Variants in PLS1 observed in about 807,000 individuals in gnomAD.
PLS1 encodes the protein plastin-1.
In PLS1, 32 loss-of-function variants were observed where a neutral mutation model predicts 73.7. The ratio of observed to expected loss-of-function variants is 0.43; its 90% CI spans 0.33 to 0.58. PLS1 has a LOEUF of 0.58. Ranked by LOEUF, PLS1 falls within the 20% of genes least tolerant of loss-of-function variation. The probability of loss-of-function intolerance (pLI) is 0.04; values close to 1 mark genes in which losing one functional copy is unlikely to be tolerated. For missense variants in PLS1, 633 were observed against 740.5 expected, an observed-to-expected ratio of 0.85 and a Z score of 1.68; for synonymous variants, 217 against 261.3, an observed-to-expected ratio of 0.83 and a Z score of 1.63.
At chr3:142,695,289 T>G (rs910541610) in intron 11 of PLS1, among the ~76,000 whole-genome samples, 7 of 152,210 alleles carry the variant, frequency 4.6e-5, no homozygotes, top group African/African-American at 1.4e-4. Flanking sequence ...TAAAGAAGAT[T>G]AATGTCACAA....
chr3:142,598,150 A>G (rs2035844663), intron 1 of PLS1, among the ~76,000 whole-genome samples: 1 of 152,078 alleles, frequency 6.6e-6, no homozygotes, highest in Non-Finnish European at 1.5e-5. Flanking sequence ...AGCACTTACT[A>G]CTGTTGTTTG....
chr3:142,622,037 A>G (rs13316756), intron 1 of PLS1, among the ~76,000 whole-genome samples: 38,474 of 152,138 alleles, frequency 0.25, 6,920 homozygotes, highest in African/African-American at 0.52. Context: ...ACACAGGTCC[A>G]GTGTTCCAGG....
intron 4 of PLS1, among the ~76,000 whole-genome samples, chr3:142,671,640 C>T (rs2037606492): frequency 6.6e-6 from 1 of 152,158 alleles, no homozygotes; most frequent in South Asian, 2.1e-4. Context: ...GATTAAACCA[C>T]TGGACCATTG....
intron 1 of PLS1, among the ~76,000 whole-genome samples, chr3:142,660,089 C>T (rs2037336046): frequency 6.6e-6 from 1 of 151,980 alleles, no homozygotes; most frequent in African/African-American, 2.4e-5. Flanking sequence ...AAAAGTTTAC[C>T]AAAGTTAGTC....
At chr3:142,604,389 C>A (rs1041698959) in intron 1 of PLS1, among the ~76,000 whole-genome samples, 8 of 152,162 alleles carry the variant, frequency 5.3e-5, no homozygotes, top group African/African-American at 1.9e-4. Context: ...GGCGGTCTCC[C>A]TTTTCCTTCC....
At chr3:142,650,854 G>T (rs1394415200) in intron 1 of PLS1, among the ~76,000 whole-genome samples, 1 of 152,170 alleles carries the variant, frequency 6.6e-6, no homozygotes, top group African/African-American at 2.4e-5. Flanking sequence ...GGCAGTAGGG[G>T]TAGGGGACAG....
chr3:142,708,917 A>T (rs1932977347), intron 14 of PLS1, among the ~76,000 whole-genome samples: 1 of 152,224 alleles, frequency 6.6e-6, no homozygotes, highest in African/African-American at 2.4e-5. Flanking sequence ...CATTAAACTC[A>T]GTAGAAGCTT....
At chr3:142,606,457 A>C (rs1335393043) in intron 1 of PLS1, among the ~76,000 whole-genome samples, 2 of 152,212 alleles carry the variant, frequency 1.3e-5, no homozygotes, top group Non-Finnish European at 2.9e-5. Flanking sequence ...TTGTTTTTAA[A>C]ATAACAGTTT....
intron 1 of PLS1, among the ~76,000 whole-genome samples, chr3:142,630,281 C>T (rs1161610867): frequency 1.3e-5 from 2 of 151,494 alleles, no homozygotes; most frequent in African/African-American, 4.8e-5. Flanking sequence ...ACTATCGGGG[C>T]GTGGTGGCAG....
At chr3:142,611,484 T>C (rs981480304) in intron 1 of PLS1, among the ~76,000 whole-genome samples, 2 of 152,262 alleles carry the variant, frequency 1.3e-5, no homozygotes, top group East Asian at 3.9e-4. Flanking sequence ...TAGCCAGATA[T>C]TGTGGCATGT....
At chr3:142,612,515 G>A (rs1420726720) in intron 1 of PLS1, among the ~76,000 whole-genome samples, 1 of 152,124 alleles carries the variant, frequency 6.6e-6, no homozygotes, top group Non-Finnish European at 1.5e-5. Context: ...CTACCTTCAT[G>A]TTACTTTAGT....
At chr3:142,673,201 C>T (rs1436980825) in intron 4 of PLS1, among the ~76,000 whole-genome samples, 2 of 152,156 alleles carry the variant, frequency 1.3e-5, no homozygotes, top group African/African-American at 4.8e-5. Flanking sequence ...TGTGTACCAC[C>T]ATGCCCAGCT....
intron 1 of PLS1, among the ~76,000 whole-genome samples, chr3:142,627,089 T>C (rs2036445288): frequency 6.6e-6 from 1 of 152,234 alleles, no homozygotes; most frequent in African/African-American, 2.4e-5. Flanking sequence ...GTTTTAAAAA[T>C]AAACATAGTT....
intron 9 of PLS1, 97 bp from the exon 10 acceptor site, chr3:142,689,521 T>A (rs1577896246): frequency 2.0e-6 from 1 of 506,370 alleles, no homozygotes; most frequent in East Asian, 3.4e-5. Flanking sequence ...TATTATTTGA[T>A]ATATTTGTGG....
intron 6 of PLS1, among the ~76,000 whole-genome samples, chr3:142,680,786 G>A (rs916171402): frequency 3.9e-5 from 6 of 152,094 alleles, no homozygotes; most frequent in African/African-American, 1.2e-4. Context: ...TTATAATAAG[G>A]TATATACTAT....
At chr3:142,711,766 A>C in intron 15 of PLS1, 106 bp from the exon 16 acceptor site, 1 of 1,395,384 alleles carries the variant, frequency 7.2e-7, no homozygotes, top group Non-Finnish European at 9.9e-7. Context: ...CACAAACTTA[A>C]CCTTTTCGTA....
At chr3:142,610,623 T>C (rs2036104864) in intron 1 of PLS1, among the ~76,000 whole-genome samples, 1 of 152,160 alleles carries the variant, frequency 6.6e-6, no homozygotes, top group Non-Finnish European at 1.5e-5. Flanking sequence ...AGAATTCTCT[T>C]GTTAGTTTGT....
chr3:142,703,912 C>G lies in PLS1; in HGVS notation c.1416C>G (p.Ala472=), dbSNP rs776847588. Residue 472 remains alanine, a synonymous_variant, in exon 13 of 16, where the codon GCC becomes GCG. Coordinates refer to ENST00000457734, the MANE Select transcript of PLS1 (RefSeq NM_001145319.2). ...CAGTGGAACTTGGGAAGAACAAGGC[C>G]AAATTCTCCTTGGTTGGCATTGCTG... ...NYAVELGKNK[A]KFSLVGIAGQ... 1.2e-6 allele frequency: 2 copies of G among 1,611,990 alleles called. No individual in the cohort carries two copies. The highest frequency in any genetic ancestry group is 1.3e-5 in the African/African-American group (1 of 74,848).
intron 11 of PLS1, among the ~76,000 whole-genome samples, chr3:142,695,152 G>A (rs1438012151): frequency 6.6e-6 from 1 of 152,084 alleles, no homozygotes; most frequent in African/African-American, 2.4e-5. Flanking sequence ...AGCCTGCCTT[G>A]ATAAAGTGCA....
Sources: allele counts gnomAD v4.1 joint callset (sites outside exome capture counted in the v4.1 genomes callset), GRCh38; gene constraint gnomAD v4.1.1; transcripts MANE v1.5; gene names NCBI Gene and HGNC (gene_info 2026-07-23, HGNC 2026-07-21).